The following CCDC3 variants were observed in gnomAD, a reference collection of about 807,000 sequenced individuals.
CCDC3 encodes the protein coiled-coil domain-containing protein 3.
Under a neutral mutation model 21.4 loss-of-function variants are expected in CCDC3, and 24 were observed. The ratio of observed to expected loss-of-function variants is 1.12; its 90% CI spans 0.81 to 1.58. The LOEUF (loss-of-function observed/expected upper bound fraction) is 1.58, where lower values mean the gene tolerates loss of function less well. Among genes scored for constraint, CCDC3 ranks in the 40% most tolerant of loss-of-function variants. The pLI is 0.00. For missense variants in CCDC3, 425 were observed against 360.9 expected, an observed-to-expected ratio of 1.18 and a Z score of -1.44; for synonymous variants, 186 against 166.0, an observed-to-expected ratio of 1.12 and a Z score of -0.93.
intron 3 of CCDC3, among the ~76,000 whole-genome samples, chr10:13,081,711 T>C (rs1185374355): frequency 2.6e-5 from 4 of 152,224 alleles, no homozygotes; most frequent in Non-Finnish European, 5.9e-5. Context: ...CCAAAGTCTC[T>C]ATAGTAAAAG....
At chr10:13,047,619 A>T (rs965134491) in intron 5 of CCDC3, among the ~76,000 whole-genome samples, 1 of 152,090 alleles carries the variant, frequency 6.6e-6, no homozygotes, top group Admixed American at 6.5e-5. Flanking sequence ...GCCTGGGTAC[A>T]TATAAAGAGA....
chr10:13,047,401 A>G (rs1043484109), intron 5 of CCDC3, among the ~76,000 whole-genome samples: 2 of 152,162 alleles, frequency 1.3e-5, no homozygotes, highest in Non-Finnish European at 2.9e-5. Context: ...TGTGGATCAC[A>G]GTGCCCTTTG....
Position 13,032,307 on chromosome 10 carries a change from T to C in CCDC3, c.-2+17367A>G, listed in dbSNP as rs567824227. Among the ~76,000 whole-genome samples the C allele has an allele frequency of 2.8e-3, 432 of 152,220 alleles. 5 individuals are homozygous for C. Among genetic ancestry groups the C allele is most frequent in the African/African-American group, 0.01 (416 of 41,542 alleles). ...ATTCAACAGCCCTTCATGCTAAAAATTCTCAATAAACTAGGTATTGATGGG... is the reference window on the plus strand; with the variant it reads ...ATTCAACAGCCCTTCATGCTAAAAACTCTCAATAAACTAGGTATTGATGGG... On this transcript the variant is annotated intron_variant, in intron 5 of 6. Coordinates refer to the CCDC3 transcript ENST00000378839.
intron 2 of CCDC3, among the ~76,000 whole-genome samples, chr10:12,917,180 CTTTTTTTTTTTTTTTT>C (rs56054100): frequency 3.4e-5 from 2 of 58,224 alleles, no homozygotes; most frequent in Non-Finnish European, 6.1e-5. Flanking sequence ...ATTTCTTCTT[CTTTTTTTTTTTTTTTT>C]TTTTTTTTTT....
At chr10:12,974,726 A>T (rs537642810) in intron 2 of CCDC3, among the ~76,000 whole-genome samples, 1 of 152,262 alleles carries the variant, frequency 6.6e-6, no homozygotes, top group African/African-American at 2.4e-5. Context: ...CGGATCATTC[A>T]TTCTTCCTTG....
chr10:12,899,788 G>A (rs752563449), intron 2 of CCDC3, among the ~76,000 whole-genome samples: 5 of 152,188 alleles, frequency 3.3e-5, no homozygotes, highest in South Asian at 2.1e-4. Context: ...TGCAAGAAAC[G>A]GGTAAGGGTG....
intron 4 of CCDC3, among the ~76,000 whole-genome samples, chr10:13,052,981 C>T (rs954380608): frequency 1.3e-5 from 1 of 75,492 alleles, no homozygotes; most frequent in Non-Finnish European, 3.0e-5. Flanking sequence ...CACACACACA[C>T]ACACATACAC....
intron 5 of CCDC3, among the ~76,000 whole-genome samples, chr10:13,014,254 C>G (rs1283421628): frequency 6.6e-6 from 1 of 151,136 alleles, no homozygotes; most frequent in Non-Finnish European, 1.5e-5. Flanking sequence ...GAGATTGAGA[C>G]CATCCTGGCT....
chr10:13,058,148 G>A (rs1278895740), intron 4 of CCDC3: 1 of 896,132 alleles, frequency 1.1e-6, no homozygotes, highest in Non-Finnish European at 1.9e-6. Flanking sequence ...GAATCATTTG[G>A]TATTGCGAGG....
chr10:13,034,639 T>G (rs1836353121), intron 5 of CCDC3, among the ~76,000 whole-genome samples: 1 of 152,128 alleles, frequency 6.6e-6, no homozygotes. Flanking sequence ...TTGTATTAGT[T>G]CAGTCCAGAT....
chr10:13,018,337 T>C (rs1248407379), intron 5 of CCDC3, among the ~76,000 whole-genome samples: 1 of 152,028 alleles, frequency 6.6e-6, no homozygotes, highest in Non-Finnish European at 1.5e-5. Flanking sequence ...CTCAAGAGAA[T>C]GTAAATTCAC....
At chr10:13,048,305 C>T (rs1320324784) in intron 5 of CCDC3, among the ~76,000 whole-genome samples, 1 of 152,098 alleles carries the variant, frequency 6.6e-6, no homozygotes, top group Non-Finnish European at 1.5e-5. Context: ...AATTCTCCTG[C>T]CTCAGCCTCC....
At chr10:12,963,788 T>A (rs11818831) in intron 2 of CCDC3, among the ~76,000 whole-genome samples, 4,896 of 151,906 alleles carry the variant, frequency 0.032, 273 homozygotes, top group African/African-American at 0.11. Flanking sequence ...CACCATGTTG[T>A]TCTGGCTGGT....
chr10:13,006,389 CCT>C (rs1835924826), upstream of CCDC3, among the ~76,000 whole-genome samples: 2 of 152,194 alleles, frequency 1.3e-5, no homozygotes, highest in African/African-American at 4.8e-5. Flanking sequence ...TTAGCCACCA[CCT>C]CATTAAGTTC....
chr10:12,979,833 A>G (rs554964096), intron 2 of CCDC3, among the ~76,000 whole-genome samples: 1 of 152,186 alleles, frequency 6.6e-6, no homozygotes, highest in African/African-American at 2.4e-5. Context: ...TGTTCACTTC[A>G]GCTGACCTTC....
intron 2 of CCDC3, among the ~76,000 whole-genome samples, chr10:12,997,564 C>T (rs1205596551): frequency 2.0e-5 from 3 of 152,226 alleles, no homozygotes; most frequent in African/African-American, 7.2e-5. Flanking sequence ...CATCCTGCAC[C>T]TCTATGTCTT....
rs118025021 is a variant in CCDC3 at position 12,927,071 on chromosome 10, G to A, written c.550-28392C>T. Among the ~76,000 whole-genome samples the A allele has an allele frequency of 2.8e-3, 423 of 152,268 alleles. 1 individual carries two copies. Among genetic ancestry groups the A allele is most frequent in the Non-Finnish European group, 3.5e-3 (235 of 68,024 alleles). On this transcript the variant is annotated intron_variant, in intron 2 of 2. Transcript: ENST00000378825. ...CCCCAAGATCCTGATATCAGCCAAC[G>A]TGATATTTACCAGTTCCTGTTTTCC... is the stretch of plus-strand genomic sequence containing the variant.
chr10:13,051,157 C>T (rs1266627064), intron 4 of CCDC3, among the ~76,000 whole-genome samples: 3 of 152,090 alleles, frequency 2.0e-5, no homozygotes, highest in African/African-American at 2.4e-5. Flanking sequence ...AGATTCTGCC[C>T]CCAAAGGAGC....
At chr10:12,955,738 GT>G (rs1447923846) in intron 2 of CCDC3, among the ~76,000 whole-genome samples, 1 of 151,416 alleles carries the variant, frequency 6.6e-6, no homozygotes, top group Admixed American at 6.6e-5. Context: ...TTTGTTTTTT[GT>G]TGTTTATTTA....
Sources: allele counts gnomAD v4.1 joint callset (sites outside exome capture counted in the v4.1 genomes callset), GRCh38; gene constraint gnomAD v4.1.1; transcripts MANE v1.5; gene names NCBI Gene and HGNC (gene_info 2026-07-23, HGNC 2026-07-21).